WDR7: variants seen among roughly 807,000 people sequenced by gnomAD.
WDR7 encodes WD repeat domain 7, also known as WD repeat-containing protein 7.
A neutral mutation model predicts 169.4 loss-of-function variants in WDR7; 46 were observed. The ratio of observed to expected loss-of-function variants is 0.27; its 90% CI spans 0.21 to 0.35. The LOEUF (loss-of-function observed/expected upper bound fraction) is 0.35, where lower values mean the gene tolerates loss of function less well. Ranked by LOEUF, WDR7 falls within the 10% of genes least tolerant of loss-of-function variation. The probability of loss-of-function intolerance (pLI) is 1.00; values close to 1 mark genes in which losing one functional copy is unlikely to be tolerated. For missense variants in WDR7, 1,534 were observed against 1,859.3 expected (o/e 0.83, Z 3.22); for synonymous variants, 612 against 666.8 (o/e 0.92, Z 1.27).
chr18:56,996,902 A>G (rs1334317243), intron 26 of WDR7, among the ~76,000 whole-genome samples: 1 of 152,226 alleles, frequency 6.6e-6, no homozygotes, highest in Non-Finnish European at 1.5e-5. Flanking sequence ...TCACTTGAGT[A>G]GAAAAACGCA....
intron 9 of WDR7, 81 bp from the exon 10 acceptor site, chr18:56,694,538 A>C: frequency 7.2e-7 from 1 of 1,393,246 alleles, no homozygotes; most frequent in Non-Finnish European, 9.8e-7. Flanking sequence ...ATTACCTAAT[A>C]TCTTTGTTTG....
At chr18:56,762,800 T>TTTTTG (rs1052238909) in intron 16 of WDR7, among the ~76,000 whole-genome samples, 1 of 152,014 alleles carries the variant, frequency 6.6e-6, no homozygotes, top group Non-Finnish European at 1.5e-5. Context: ...AGTGTGCTGT[T>TTTTTG]TTTTGTTTTG....
intron 26 of WDR7, among the ~76,000 whole-genome samples, chr18:57,003,723 C>T (rs1787457): frequency 0.63 from 95,240 of 151,842 alleles, 30,448 homozygotes; most frequent in Middle Eastern, 0.73. Context: ...ATAATCCTTA[C>T]GTTAAATATG....
intron 21 of WDR7, among the ~76,000 whole-genome samples, chr18:56,893,056 ACT>A (rs749929641): frequency 4.4e-4 from 67 of 151,744 alleles, no homozygotes; most frequent in Non-Finnish European, 8.7e-4. Context: ...ATGGTACAAG[ACT>A]CTTTCTGCCA....
At chr18:56,983,981 A>G (rs928732230) in intron 26 of WDR7, among the ~76,000 whole-genome samples, 1 of 151,194 alleles carries the variant, frequency 6.6e-6, no homozygotes, top group Non-Finnish European at 1.5e-5. Context: ...ACTTCTTCCT[A>G]TGACATATTT....
intron 20 of WDR7, among the ~76,000 whole-genome samples, chr18:56,851,630 C>G (rs2045641984): frequency 6.6e-6 from 1 of 152,122 alleles, no homozygotes; most frequent in Non-Finnish European, 1.5e-5. Context: ...TTGACCTAGA[C>G]CAAGATTTCT....
At chr18:56,842,778 A>T (rs2145333002) in intron 20 of WDR7, among the ~76,000 whole-genome samples, 1 of 152,362 alleles carries the variant, frequency 6.6e-6, no homozygotes, top group Middle Eastern at 3.4e-3. Flanking sequence ...CGTTTTAGAA[A>T]AACTTTATTT....
intron 19 of WDR7, among the ~76,000 whole-genome samples, chr18:56,794,304 A>ATCTTTTTTTTTTTTTTTTT (rs2044543467): frequency 4.0e-5 from 2 of 49,464 alleles, no homozygotes; most frequent in African/African-American, 6.6e-5. Context: ...GGTAAAGTCT[A>ATCTTTTTTTTTTTTTTTTT]TTTTTTTTTT....
rs555728072 is a variant in WDR7 at position 56,963,150 on chromosome 18, C to G, written c.4164+621C>G. Among the ~76,000 whole-genome samples, 103 of 152,258 alleles carry G rather than the reference C, an allele frequency of 6.8e-4. 1 individual carries two copies. Among genetic ancestry groups the G allele is most frequent in the African/African-American group, 2.4e-3 (98 of 41,556 alleles). On this transcript the variant is annotated intron_variant, in intron 26 of 27. Coordinates refer to ENST00000254442, the MANE Select transcript of WDR7 (RefSeq NM_015285.3). ...TACCAGTTGGGAAGAGAGGGCAAATCTAACCCCACTTTAGATGTAAAGGAA... is the reference window on the plus strand; with the variant it reads ...TACCAGTTGGGAAGAGAGGGCAAATGTAACCCCACTTTAGATGTAAAGGAA...
chr18:56,946,453 G>T (rs2047104268), intron 25 of WDR7, among the ~76,000 whole-genome samples: 1 of 152,156 alleles, frequency 6.6e-6, no homozygotes, highest in Non-Finnish European at 1.5e-5. Flanking sequence ...TGTGGGTTTT[G>T]TTTGTTTGTG....
chr18:56,894,990 A>G (rs1411699409), intron 21 of WDR7, among the ~76,000 whole-genome samples: 1 of 152,142 alleles, frequency 6.6e-6, no homozygotes, highest in East Asian at 1.9e-4. Context: ...AGGACTCTTA[A>G]TAAACAATGA....
chr18:56,975,247 G>A (rs904278188), intron 26 of WDR7, among the ~76,000 whole-genome samples: 4 of 152,012 alleles, frequency 2.6e-5, no homozygotes, highest in African/African-American at 9.7e-5. Context: ...GGGGTAGTGG[G>A]GCAAAGGGAT....
At chr18:56,901,926 T>C (rs1327391384) in intron 21 of WDR7, among the ~76,000 whole-genome samples, 1 of 152,126 alleles carries the variant, frequency 6.6e-6, no homozygotes, top group East Asian at 1.9e-4. Flanking sequence ...GAGGATTTAC[T>C]AGTGTCTTTG....
rs1568318959 is a variant in WDR7 at position 57,024,534 on chromosome 18, GACA to G, written c.4270-2469_4270-2467del. ...AGGATTTCACATATCCCTATTCTCA[GACA>G]GGAATAGGGATATGTGAGCTATGAT... On this transcript the variant is annotated intron_variant, in intron 27 of 27. Coordinates refer to ENST00000254442, the MANE Select transcript of WDR7 (RefSeq NM_015285.3). 2.6e-3 allele frequency among the ~76,000 whole-genome samples: 374 copies of G among 143,860 alleles called. 6 individuals carry two copies. Among genetic ancestry groups the G allele is most frequent in the East Asian group, 8.5e-3 (42 of 4,930 alleles). The allele number at this position is 143,860 out of a possible 152,430, so 94.4% of individuals were successfully genotyped here.
chr18:56,692,784 G>A (rs1367438268), intron 9 of WDR7, among the ~76,000 whole-genome samples: 1 of 151,966 alleles, frequency 6.6e-6, no homozygotes, highest in South Asian at 2.1e-4. Flanking sequence ...TGTGTATTTT[G>A]TGGTGTGTTG....
chr18:56,892,033 C>T (rs577033595), intron 21 of WDR7, among the ~76,000 whole-genome samples: 109 of 152,184 alleles, frequency 7.2e-4, no homozygotes, highest in African/African-American at 2.6e-3. Flanking sequence ...CTGACACTTA[C>T]ATTATAGACC....
chr18:56,983,240 C>T (rs188053167), intron 26 of WDR7, among the ~76,000 whole-genome samples: 159 of 152,224 alleles, frequency 1.0e-3, no homozygotes, highest in Middle Eastern at 6.8e-3. Context: ...TGAAAAGGTT[C>T]CTATTTTTTA....
At chr18:56,735,370 G>C (rs1356483007) in intron 14 of WDR7, among the ~76,000 whole-genome samples, 1 of 152,178 alleles carries the variant, frequency 6.6e-6, no homozygotes, top group African/African-American at 2.4e-5. Flanking sequence ...CTTTGAGGAT[G>C]ATTGTAATAG....
rs1255064677 is a variant in WDR7, at chr18:56,679,441, A to G, written c.266+3A>G. ...ATTGTGAGTGCATCTGAAAGTGGGTAAGTATTTTCTCATTTGCCTCTTTTT... is the reference window on the plus strand; with the variant it reads ...ATTGTGAGTGCATCTGAAAGTGGGTGAGTATTTTCTCATTTGCCTCTTTTT... On this transcript the variant is annotated splice_donor_region_variant and intron_variant, in intron 3 of 27. Coordinates refer to ENST00000254442, the MANE Select transcript of WDR7 (RefSeq NM_015285.3). 8 of 1,594,962 alleles carry G rather than the reference A, an allele frequency of 5.0e-6. No homozygotes were observed. Among genetic ancestry groups the G allele is most frequent in the Non-Finnish European group, 6.9e-6 (8 of 1,164,780 alleles).
Sources: gnomAD v4.1 joint callset for allele counts (sites outside exome capture counted in the v4.1 genomes callset) on GRCh38, gnomAD v4.1.1 for gene constraint, MANE v1.5 for transcripts, NCBI Gene and HGNC (gene_info 2026-07-23, HGNC 2026-07-21) for gene names.